The following BTD variants were observed in gnomAD, a reference collection of about 807,000 sequenced individuals.
The protein encoded by BTD is biocytinase.
A neutral mutation model predicts 17.7 loss-of-function variants in BTD; 13 were observed. That is an observed-to-expected ratio of 0.74 (90% CI 0.48 to 1.17). BTD has a LOEUF of 1.17. Ranked by LOEUF, BTD falls within the 50% of genes most tolerant of loss-of-function variation. The pLI is 0.00. For synonymous variants in BTD, 240 were observed against 245.2 expected, an observed-to-expected ratio of 0.98 and a Z score of 0.20; for missense variants, 674 against 650.4, an observed-to-expected ratio of 1.04 and a Z score of -0.39.
chr3:15,685,436 C>G (rs1204759500), intron 3 of BTD: 1 of 1,613,930 alleles, frequency 6.2e-7, no homozygotes, highest in Non-Finnish European at 8.5e-7. Context: ...TCTTCATGGC[C>G]TGTAACTGCC....
chr3:15,685,824 A>G (rs572712750), intron 3 of BTD, among the ~76,000 whole-genome samples: 11 of 152,358 alleles, frequency 7.2e-5, no homozygotes, highest in African/African-American at 2.6e-4. Context: ...TGTTCTCTAG[A>G]TTAAGTTGTA....
At chr3:15,613,772 T>G (rs1338691714) in intron 1 of BTD, among the ~76,000 whole-genome samples, 1 of 152,220 alleles carries the variant, frequency 6.6e-6, no homozygotes, top group Non-Finnish European at 1.5e-5. Flanking sequence ...GAGTTTTTCC[T>G]CTACTGTAGG....
chr3:15,690,046 A>G, intron 3 of BTD: 3 of 1,610,902 alleles, frequency 1.9e-6, no homozygotes, highest in Non-Finnish European at 2.5e-6. Flanking sequence ...GTCCTCTTCA[A>G]AATGTAATCT....
At chr3:15,676,935 T>C in intron 3 of BTD, 3 of 1,514,700 alleles carry the variant, frequency 2.0e-6, no homozygotes, top group African/African-American at 1.4e-5. Context: ...TTTATAATTA[T>C]AGGTCACAAA....
intron 3 of BTD, among the ~76,000 whole-genome samples, chr3:15,661,683 G>C (rs1361124828): frequency 1.3e-5 from 2 of 152,120 alleles, no homozygotes; most frequent in Non-Finnish European, 2.9e-5. Context: ...CATGGGTGGT[G>C]CCTTTGGTGT....
At position 15,642,296 on chromosome 3, in the gene BTD, A is replaced by T. The variant is rs1397807537; in HGVS notation, c.399+239A>T. ...TATTAATTACACAATAAATACAGGA[A>T]TGTATACTTAAACCAAACCAAAAGT... On this transcript the variant is annotated intron_variant, in intron 3 of 3. Transcript: ENST00000643237. 3.5e-6 allele frequency: 5 copies of T among 1,413,994 alleles called. No homozygotes were observed. The East Asian group carries it at 1.3e-4, about 35-fold the overall frequency. The allele number at this position is 1,413,994 out of a possible 1,614,324, so 87.6% of individuals were successfully genotyped here. A position where few individuals can be genotyped will look rare whatever the true frequency, so the allele number is the denominator to read the frequency against.
rs2065793047 is a variant in BTD, at chr3:15,651,021, G to C, written c.*5533G>C. On this transcript the variant is annotated 3_prime_UTR_variant, in exon 4 of 4. Coordinates refer to ENST00000643237, the MANE Select transcript of BTD (RefSeq NM_001370658.1). ...CTGACCTCATGATCTGCCTGCCTCA[G>C]CCTCCCAAAGTGCTGGGATTACAGG... Among the ~76,000 whole-genome samples, 1 of 152,194 alleles carries C rather than the reference G, an allele frequency of 6.6e-6. No homozygotes were observed. The highest frequency in any genetic ancestry group is 1.5e-5 in the Non-Finnish European group (1 of 68,036).
intron 3 of BTD, among the ~76,000 whole-genome samples, chr3:15,695,511 T>C (rs905857623): frequency 1.3e-5 from 2 of 152,182 alleles, no homozygotes; most frequent in Admixed American, 6.5e-5. Context: ...TCTACGCTCG[T>C]TGAATTTTAT....
At chr3:15,608,405 G>T (rs192696049) in intron 1 of BTD, among the ~76,000 whole-genome samples, 1 of 152,316 alleles carries the variant, frequency 6.6e-6, no homozygotes, top group Non-Finnish European at 1.5e-5. Flanking sequence ...TGTGTAAAAT[G>T]CACCAGGAAA....
At chr3:15,624,796 GA>G (rs2065029595) in intron 1 of BTD, among the ~76,000 whole-genome samples, 1 of 152,178 alleles carries the variant, frequency 6.6e-6, no homozygotes, top group Admixed American at 6.5e-5. Context: ...GCAGTGGTGT[GA>G]TAACAGCTCA....
intron 1 of BTD, among the ~76,000 whole-genome samples, chr3:15,603,665 T>A (rs1160362286): frequency 1.3e-5 from 2 of 151,978 alleles, no homozygotes; most frequent in African/African-American, 2.4e-5. Context: ...TCAAAAAAAA[T>A]AATAAAATTA....
chr3:15,610,239 C>T (rs1330737345), intron 1 of BTD, among the ~76,000 whole-genome samples: 1 of 152,174 alleles, frequency 6.6e-6, no homozygotes, highest in African/African-American at 2.4e-5. Flanking sequence ...ACTGGGATAG[C>T]GGGCATATTG....
chr3:15,694,657 T>C (rs1226013458), intron 3 of BTD: 2 of 1,184,204 alleles, frequency 1.7e-6, no homozygotes, highest in Non-Finnish European at 2.5e-6. Context: ...TTTATGGTAC[T>C]AGTTTGAGTC....
At chr3:15,674,933 G>A (rs190475513) in intron 3 of BTD, among the ~76,000 whole-genome samples, 1 of 152,082 alleles carries the variant, frequency 6.6e-6, no homozygotes, top group African/African-American at 2.4e-5. Flanking sequence ...CTATGTGTAG[G>A]GGTGAGGGGG....
chr3:15,625,877 A>G (rs1427794317), intron 1 of BTD, among the ~76,000 whole-genome samples: 1 of 152,156 alleles, frequency 6.6e-6, no homozygotes, highest in African/African-American at 2.4e-5. Context: ...TTTATTTTGC[A>G]TATAAGTTCA....
chr3:15,607,971 C>T (rs1029569232), intron 1 of BTD, among the ~76,000 whole-genome samples: 1 of 152,080 alleles, frequency 6.6e-6, no homozygotes, highest in African/African-American at 2.4e-5. Flanking sequence ...TTCAGAGTAC[C>T]AAAGCTCAGC....
intron 3 of BTD, chr3:15,685,077 G>C (rs1038692513): frequency 1.4e-6 from 1 of 716,818 alleles, no homozygotes; most frequent in Non-Finnish European, 2.3e-6. Context: ...GTGAGCCTAC[G>C]TACTAAGTAT....
intron 3 of BTD, chr3:15,669,844 T>C (rs962209679): frequency 1.3e-5 from 2 of 154,170 alleles, no homozygotes; most frequent in Admixed American, 1.3e-4. Context: ...TTTTGCAATT[T>C]GCTGTGCACA....
intron 3 of BTD, among the ~76,000 whole-genome samples, chr3:15,692,172 T>C (rs570975302): frequency 2.8e-5 from 4 of 143,070 alleles, no homozygotes; most frequent in African/African-American, 1.0e-4. Flanking sequence ...AAAAATGAGG[T>C]TGGGCATGGT....
Sources: gnomAD v4.1 joint callset for allele counts (sites outside exome capture counted in the v4.1 genomes callset) on GRCh38, gnomAD v4.1.1 for gene constraint, MANE v1.5 for transcripts, NCBI Gene and HGNC (gene_info 2026-07-23, HGNC 2026-07-21) for gene names.